Variants in OTOF observed in about 807,000 individuals in gnomAD.
The protein encoded by OTOF is fer-1-like family member 2.
A neutral mutation model predicts 236.8 loss-of-function variants in OTOF; 218 were observed. The ratio of observed to expected loss-of-function variants is 0.92; its 90% CI spans 0.82 to 1.03. OTOF has a LOEUF of 1.03. Ranked by LOEUF, OTOF falls within the 50% of genes least tolerant of loss-of-function variation. The pLI is 0.00. For missense variants in OTOF, 2,590 were observed against 2,694.4 expected (o/e 0.96, Z 0.86); for synonymous variants, 1,041 against 1,072.5 (o/e 0.97, Z 0.57).
chr2:26,480,708 G>A, intron 15 of OTOF, 78 bp downstream of exon 15: 9 of 1,245,214 alleles, frequency 7.2e-6, no homozygotes, highest in Non-Finnish European at 1.0e-5. Context: ...AACAGGCAAA[G>A]CCTGGGACCC....
intron 5 of OTOF, among the ~76,000 whole-genome samples, chr2:26,506,492 G>A (rs531083073): frequency 2.6e-5 from 4 of 152,308 alleles, no homozygotes; most frequent in Non-Finnish European, 5.9e-5. Flanking sequence ...CCGGCTGCCC[G>A]GCCTGCTGGG....
Position 26,458,066 on chromosome 2 carries a change from T to G in OTOF, c.*172A>C, listed in dbSNP as rs766417394. ...CATGCCCCAAGGAGCTTTTTGACCA[T>G]GTAGCCAGGGAGGCTGTAGAGGAAG... is the stretch of plus-strand genomic sequence containing the variant. On this transcript the variant is annotated 3_prime_UTR_variant, in exon 47 of 47. Transcript: ENST00000272371. The G allele has an allele frequency of 6.2e-7, 1 of 1,613,854 alleles. No homozygotes were observed.
chr2:26,498,635 G>A (rs1666045630), intron 8 of OTOF, among the ~76,000 whole-genome samples: 1 of 152,166 alleles, frequency 6.6e-6, no homozygotes, highest in Non-Finnish European at 1.5e-5. Context: ...CTCCTTTCAA[G>A]ATAAGGGACA....
intron 39 of OTOF, 31 bp from the exon 40 acceptor site, chr2:26,464,137 T>C: frequency 6.2e-7 from 1 of 1,612,114 alleles, no homozygotes; most frequent in Non-Finnish European, 8.5e-7. Context: ...GCTGCACACA[T>C]GGCTCAGCAG....
chr2:26,534,937 AG>A (rs1667034078), intron 2 of OTOF, among the ~76,000 whole-genome samples: 1 of 152,230 alleles, frequency 6.6e-6, no homozygotes. Context: ...AGATTCTTTC[AG>A]GGGGAAGCCA....
chr2:26,536,711 C>A (rs17320634), intron 2 of OTOF, among the ~76,000 whole-genome samples: 10 of 151,940 alleles, frequency 6.6e-5, no homozygotes, highest in African/African-American at 1.9e-4. Context: ...CAGAGCCAAG[C>A]GGGAGAGCCA....
In OTOF at chr2:26,465,704, G is replaced by A. The variant is rs80356578; in HGVS notation, c.4767C>T (p.Arg1589=). ...DLENRFYSKH[R]ATCGIAQTYS... The stretch of plus-strand genomic sequence containing the variant: ...AGGTCTGGGCGATGCCGCAGGTGGC[G>A]CGGTGCTTGCTGTAGAAGCGGTTCT... Residue 1589 remains arginine, a synonymous_variant, in exon 38 of 47, where the codon CGC becomes CGT. Coordinates refer to ENST00000272371, the MANE Select transcript of OTOF (RefSeq NM_194248.3). 17,962 of 1,614,250 alleles carry A rather than the reference G, an allele frequency of 0.011. 664 individuals are homozygous for A. The highest frequency in any genetic ancestry group is 0.091 in the Admixed American group (5,489 of 60,032).
In OTOF at chr2:26,473,577, G is replaced by T. The variant is rs751889849; in HGVS notation, c.3409-10C>A. The T allele has an allele frequency of 1.3e-6, 2 of 1,597,160 alleles. No individual in the cohort carries two copies. The highest frequency in any genetic ancestry group is 4.5e-5 in the East Asian group (2 of 44,792). On this transcript the variant is annotated splice_polypyrimidine_tract_variant and intron_variant, in intron 27 of 46. Transcript: ENST00000272371. This position sits in a 1 kb window ranked among gnomAD's most constrained non-coding sequence, Gnocchi z 7.2. ...GGCCCCAGAACAGCACCTGGGAGAGGTTGGAGGGTGGGTGCAGAGAAGAGA... is the reference window on the plus strand; with the variant it reads ...GGCCCCAGAACAGCACCTGGGAGAGTTTGGAGGGTGGGTGCAGAGAAGAGA...
At chr2:26,505,693 G>T (rs986254904) in intron 5 of OTOF, among the ~76,000 whole-genome samples, 1 of 152,190 alleles carries the variant, frequency 6.6e-6, no homozygotes, top group Admixed American at 6.5e-5. Context: ...TATTTTTACT[G>T]CATCTCAGGT....
rs147978393 is a variant in OTOF at position 26,479,491 on chromosome 2, C to T, written c.2075G>A (p.Arg692Gln). Reference sequence around the variant, plus strand: ...GGCCCACCTGTCGGTGACCTGGGGCCGCATTGGTGGAGTGGAGGAGACTGA... The same window carrying T: ...GGCCCACCTGTCGGTGACCTGGGGCTGCATTGGTGGAGTGGAGGAGACTGA... ...LASVSSTPPM[R>Q]PQVTDRNYFH... The change falls in exon 17 of 47, where the codon CGG becomes CAG. Residue 692 changes from arginine (R) to glutamine (Q), a missense_variant. Transcript: ENST00000272371. 3.3e-5 allele frequency: 53 copies of T among 1,601,516 alleles called. No individual in the cohort carries two copies. Among genetic ancestry groups the T allele is most frequent in the South Asian group, 1.3e-4 (12 of 89,466 alleles).
At chr2:26,518,983 T>C (rs1349230635) in intron 4 of OTOF, 27 bp downstream of exon 4, 1 of 1,534,182 alleles carries the variant, frequency 6.5e-7, no homozygotes, top group Non-Finnish European at 9.0e-7. Context: ...TATGGGAAAG[T>C]CCAGGAACTC....
At chr2:26,500,863 T>TA (rs1666100058) in intron 8 of OTOF, among the ~76,000 whole-genome samples, 1 of 152,118 alleles carries the variant, frequency 6.6e-6, no homozygotes, top group African/African-American at 2.4e-5. Context: ...GCATCAGAGA[T>TA]AAAGCTCTAC....
chr2:26,461,906 C>G lies in OTOF; in HGVS notation c.5323G>C (p.Asp1775His), dbSNP rs776992000. The G allele has an allele frequency of 8.1e-6, 13 of 1,614,010 alleles. No individual in the cohort carries two copies. Among genetic ancestry groups the G allele is most frequent in the Non-Finnish European group, 1.7e-6 (2 of 1,180,028 alleles). The change falls in exon 43 of 47, where the codon GAC becomes CAC. Residue 1775 changes from aspartate (D) to histidine (H), a missense_variant. By Grantham distance (81) the Asp-to-His change is moderately conservative. Around this residue, in one of 2 missense-constraint regions of OTOF, gnomAD observed 1,211 missense variants for 1,352.8 expected, o/e 0.90. Coordinates refer to ENST00000272371, the MANE Select transcript of OTOF (RefSeq NM_194248.3). The surrounding 1 kb of genome is among the most constrained non-coding windows in gnomAD (Gnocchi z 6.2). ...WLKGQQEDKQ[D>H]TDVHYHSLTG... ...AGGGAGTGGTAGTGGACGTCTGTGT[C>G]CTGCTTGTCCTCCTGCTGGCCCTTC... is the stretch of plus-strand genomic sequence containing the variant.
At chr2:26,500,829 A>G (rs869440) in intron 8 of OTOF, among the ~76,000 whole-genome samples, 97,220 of 152,038 alleles carry the variant, frequency 0.64, 32,038 homozygotes, top group East Asian at 0.88. Flanking sequence ...AAGAAGGGTT[A>G]GTGTGCTTGG....
chr2:26,503,213 C>T (rs1666163350), intron 6 of OTOF, among the ~76,000 whole-genome samples: 1 of 152,212 alleles, frequency 6.6e-6, no homozygotes, highest in South Asian at 2.1e-4. Context: ...TCCATTTCTC[C>T]CCTTGTCTTC....
At chr2:26,472,344 G>T in intron 30 of OTOF, 175 bp downstream of exon 30, 1 of 773,290 alleles carries the variant, frequency 1.3e-6, no homozygotes, top group Admixed American at 1.9e-5. Flanking sequence ...TGCATTCCAG[G>T]ATAGTATTAG....
rs1163436449 is a variant in OTOF, at chr2:26,465,585, TCTCAAATCAC to T, written c.4799+77_4799+86del. On this transcript the variant is annotated intron_variant, in intron 38 of 46. Coordinates refer to ENST00000272371, the MANE Select transcript of OTOF (RefSeq NM_194248.3). ...GGGACAGAAACCACAATGTCTAACCTCTCAAATCACCAGGATCTGAATCTCATTTTAGAGT... is the reference window on the plus strand; with the variant it reads ...GGGACAGAAACCACAATGTCTAACCTCAGGATCTGAATCTCATTTTAGAGT... The T allele has an allele frequency of 3.5e-6, 5 of 1,427,502 alleles. No individual in the cohort carries two copies. In the African/African-American group the frequency reaches 7.0e-5, roughly 20 times the overall value. The allele number at this position is 1,427,502 out of a possible 1,614,324, so 88.4% of individuals were successfully genotyped here. A position where few individuals can be genotyped will look rare whatever the true frequency, so the allele number is the denominator to read the frequency against.
intron 1 of OTOF, among the ~76,000 whole-genome samples, chr2:26,539,639 G>A (rs1235189032): frequency 1.3e-5 from 2 of 152,214 alleles, no homozygotes; most frequent in Non-Finnish European, 2.9e-5. Flanking sequence ...AGAGGCCGAG[G>A]CAGGAGAATC....
chr2:26,464,861 C>T lies in OTOF; in HGVS notation c.4960+8G>A. 1 of 1,601,966 alleles carries T rather than the reference C, an allele frequency of 6.2e-7. No homozygotes were observed. Among genetic ancestry groups the T allele is most frequent in the South Asian group, 1.1e-5 (1 of 88,166 alleles). On this transcript the variant is annotated splice_region_variant and intron_variant, in intron 39 of 46. Transcript: ENST00000272371. ...GGGGGCAGGCGGCTGCATCCAGTGC[C>T]CCATTACCGTTCTCGTCCTCAATCT...
Sources: gnomAD v4.1 joint callset for allele counts (sites outside exome capture counted in the v4.1 genomes callset) on GRCh38, gnomAD v4.1.1 for gene constraint, gnomAD v4.1.1 regional missense constraint, Gnocchi (gnomAD v3.1) non-coding constraint, MANE v1.5 for transcripts, NCBI Gene and HGNC (gene_info 2026-07-23, HGNC 2026-07-21) for gene names.